NCKAP5: variants seen among roughly 807,000 people sequenced by gnomAD.
NCKAP5 encodes nck-associated protein 5.
In NCKAP5, 92 loss-of-function variants were observed where a neutral mutation model predicts 167.0. The ratio of observed to expected loss-of-function variants is 0.55; its 90% CI spans 0.47 to 0.66. The LOEUF (loss-of-function observed/expected upper bound fraction) is 0.66, where lower values mean the gene tolerates loss of function less well. Among genes scored for constraint, NCKAP5 ranks in the 30% least tolerant of loss-of-function variants. NCKAP5 has a pLI of 0.00. For missense variants in NCKAP5, 2,378 were observed against 2,315.0 expected (o/e 1.03, Z -0.56); for synonymous variants, 891 against 877.4 (o/e 1.02, Z -0.27).
At chr2:133,013,276 ACACT>A (rs1277273736) in intron 6 of NCKAP5, among the ~76,000 whole-genome samples, 1 of 152,172 alleles carries the variant, frequency 6.6e-6, no homozygotes, top group Non-Finnish European at 1.5e-5. Flanking sequence ...GGCTGTTGTG[ACACT>A]CACAGCAGCT....
At chr2:132,700,108 G>T (rs1221556612) in intron 19 of NCKAP5, among the ~76,000 whole-genome samples, 1 of 152,176 alleles carries the variant, frequency 6.6e-6, no homozygotes, top group Admixed American at 6.5e-5. Flanking sequence ...TCATGTGTCT[G>T]TTGGCTGCAT....
intron 3 of NCKAP5, among the ~76,000 whole-genome samples, chr2:133,479,631 T>C (rs763866108): frequency 5.3e-5 from 8 of 152,216 alleles, no homozygotes; most frequent in African/African-American, 1.7e-4. Flanking sequence ...ACAAACAGTA[T>C]GTATCAACAA....
intron 10 of NCKAP5, among the ~76,000 whole-genome samples, chr2:132,868,701 GA>G (rs1343322084): frequency 6.6e-6 from 1 of 152,172 alleles, no homozygotes; most frequent in African/African-American, 2.4e-5. Context: ...CTGGGTAAAT[GA>G]AAATCACCTT....
chr2:133,059,226 G>A (rs1472159615), intron 6 of NCKAP5, among the ~76,000 whole-genome samples: 1 of 152,084 alleles, frequency 6.6e-6, no homozygotes, highest in Non-Finnish European at 1.5e-5. Flanking sequence ...CATGAACCCA[G>A]GAAGGGGAGC....
the NCKAP5 span, among the ~76,000 whole-genome samples, chr2:133,643,441 C>T: frequency 6.6e-6 from 1 of 152,166 alleles, no homozygotes; most frequent in South Asian, 2.1e-4. Flanking sequence ...ATTTCAGCCA[C>T]TTCTCCAAGC....
intron 4 of NCKAP5, among the ~76,000 whole-genome samples, chr2:133,279,199 T>C (rs562435782): frequency 1.8e-4 from 27 of 152,336 alleles, no homozygotes; most frequent in South Asian, 8.3e-4. Flanking sequence ...CAAAAGTGCA[T>C]AGGCACTTTG....
At chr2:133,172,736 C>T (rs1164997877) in intron 5 of NCKAP5, among the ~76,000 whole-genome samples, 1 of 152,156 alleles carries the variant, frequency 6.6e-6, no homozygotes, top group Non-Finnish European at 1.5e-5. Context: ...CAAGCTCCGC[C>T]TCCCGGGTTC....
At chr2:133,001,205 C>T (rs1206799866) in intron 6 of NCKAP5, among the ~76,000 whole-genome samples, 4 of 149,676 alleles carry the variant, frequency 2.7e-5, no homozygotes, top group Admixed American at 2.0e-4. Flanking sequence ...GGGAATATGC[C>T]TTTGACTTAC....
chr2:133,138,641 T>C (rs892822627), intron 5 of NCKAP5, among the ~76,000 whole-genome samples: 2 of 152,316 alleles, frequency 1.3e-5, no homozygotes, highest in Admixed American at 6.5e-5. Context: ...ATACTTACTG[T>C]CTCCGGACCT....
chr2:132,971,477 C>G (rs1436842215), intron 7 of NCKAP5, among the ~76,000 whole-genome samples: 1 of 152,126 alleles, frequency 6.6e-6, no homozygotes, highest in African/African-American at 2.4e-5. Flanking sequence ...ATGCCACTGA[C>G]TATTTTCAAG....
chr2:132,946,560 A>G (rs1697746239), intron 8 of NCKAP5, among the ~76,000 whole-genome samples: 1 of 152,192 alleles, frequency 6.6e-6, no homozygotes, highest in Admixed American at 6.5e-5. Context: ...AAACTTAACA[A>G]AAAAAGTGAA....
At chr2:133,189,659 T>C (rs865967471) in intron 5 of NCKAP5, among the ~76,000 whole-genome samples, 6 of 152,206 alleles carry the variant, frequency 3.9e-5, no homozygotes, top group African/African-American at 1.2e-4. Context: ...TAATCCAGCA[T>C]ATAAACAGAA....
At chr2:133,017,038 A>T (rs1179169716) in intron 6 of NCKAP5, among the ~76,000 whole-genome samples, 1 of 152,222 alleles carries the variant, frequency 6.6e-6, no homozygotes, top group East Asian at 1.9e-4. Context: ...TTCAATATTT[A>T]TATCCTTTCC....
chr2:132,723,587 T>C (rs1262121834), intron 19 of NCKAP5, among the ~76,000 whole-genome samples: 1 of 152,194 alleles, frequency 6.6e-6, no homozygotes, highest in Non-Finnish European at 1.5e-5. Flanking sequence ...AAAGAAGGAA[T>C]GGCCCAAATG....
intron 3 of NCKAP5, among the ~76,000 whole-genome samples, chr2:133,409,071 G>A (rs1688620038): frequency 6.6e-6 from 1 of 152,204 alleles, no homozygotes; most frequent in South Asian, 2.1e-4. Context: ...AAGCACATTT[G>A]CCATAGAGCT....
At chr2:133,465,310 T>C (rs1692496334) in intron 3 of NCKAP5, among the ~76,000 whole-genome samples, 1 of 152,044 alleles carries the variant, frequency 6.6e-6, no homozygotes, top group Admixed American at 6.5e-5. Context: ...TTTCCCATTT[T>C]ATCCATGTCC....
At chr2:132,862,914 C>A (rs1429851691) in intron 10 of NCKAP5, among the ~76,000 whole-genome samples, 1 of 152,038 alleles carries the variant, frequency 6.6e-6, no homozygotes, top group Non-Finnish European at 1.5e-5. Flanking sequence ...CTCCACCTCC[C>A]GGGTTCAGGC....
intron 2 of NCKAP5, among the ~76,000 whole-genome samples, chr2:133,548,730 G>C: frequency 6.7e-6 from 1 of 149,820 alleles, no homozygotes; most frequent in Non-Finnish European, 1.5e-5. Context: ...TGAAGGAAGC[G>C]CTAAACATGG....
the NCKAP5 span, among the ~76,000 whole-genome samples, chr2:133,655,512 T>A: frequency 6.6e-6 from 1 of 152,110 alleles, no homozygotes; most frequent in East Asian, 1.9e-4. Flanking sequence ...AGACACCCAC[T>A]GAGATCCAGT....
Sources: gnomAD v4.1 joint callset for allele counts (sites outside exome capture counted in the v4.1 genomes callset) on GRCh38, gnomAD v4.1.1 for gene constraint, MANE v1.5 for transcripts, NCBI Gene and HGNC (gene_info 2026-07-23, HGNC 2026-07-21) for gene names.